The following GOLM1 variants were observed in gnomAD, a reference collection of about 807,000 sequenced individuals.
The protein encoded by GOLM1 is epididymis luminal protein 46.
GOLM1 carries 31 observed loss-of-function variants against 50.5 expected under a neutral mutation model. The observed-to-expected ratio is 0.61, with a 90% confidence interval of 0.46 to 0.83. The LOEUF (loss-of-function observed/expected upper bound fraction) is 0.83, where lower values mean the gene tolerates loss of function less well. Among genes scored for constraint, GOLM1 ranks in the 40% least tolerant of loss-of-function variants. The pLI, the probability that GOLM1 is intolerant of heterozygous loss-of-function variation, is 0.00. For missense variants in GOLM1, 491 were observed against 501.3 expected (o/e 0.98, Z 0.20); for synonymous variants, 178 against 192.8 (o/e 0.92, Z 0.64).
At chr9:86,095,378 G>A (rs1242196991) in intron 1 of GOLM1, among the ~76,000 whole-genome samples, 3 of 150,952 alleles carry the variant, frequency 2.0e-5, no homozygotes, top group Non-Finnish European at 4.4e-5. Context: ...ACAGGCACAT[G>A]CCACCACGCC....
chr9:86,093,363 G>A (rs1443902998), intron 1 of GOLM1, among the ~76,000 whole-genome samples: 1 of 138,348 alleles, frequency 7.2e-6, no homozygotes, highest in African/African-American at 3.0e-5. Flanking sequence ...GTGACAGAGC[G>A]AGATTCTGCC....
intron 3 of GOLM1, among the ~76,000 whole-genome samples, chr9:86,053,528 TCCACACCAAA>T (rs1564347287): frequency 0.015 from 8 of 534 alleles, no homozygotes; most frequent in East Asian, 0.12. Flanking sequence ...AACACACCAC[TCCACACCAAA>T]CCACACCAAA....
At chr9:86,074,941 T>C (rs999155938) in intron 3 of GOLM1, among the ~76,000 whole-genome samples, 1 of 151,840 alleles carries the variant, frequency 6.6e-6, no homozygotes, top group Non-Finnish European at 1.5e-5. Flanking sequence ...ACGGTCTGAG[T>C]GTGGGTGTCC....
At chr9:86,077,969 A>C (rs1399111169) in intron 2 of GOLM1, 1 of 185,886 alleles carries the variant, frequency 5.4e-6, no homozygotes, top group African/African-American at 2.3e-5. Context: ...ACAATTTCTG[A>C]AAACAGATTC....
intron 3 of GOLM1, among the ~76,000 whole-genome samples, chr9:86,077,023 T>C (rs2118846080): frequency 6.6e-6 from 1 of 152,194 alleles, no homozygotes; most frequent in South Asian, 2.1e-4. Flanking sequence ...TCTCCTCCAT[T>C]AGATACTTGG....
intron 5 of GOLM1, among the ~76,000 whole-genome samples, chr9:86,041,569 C>T (rs1833352880): frequency 6.6e-6 from 1 of 152,224 alleles, no homozygotes; most frequent in Non-Finnish European, 1.5e-5. Context: ...CCCCCCGGCG[C>T]CTGCCCTCAC....
Position 86,027,356 on chromosome 9 carries a change from G to A in GOLM1, c.*461C>T. 1.0e-6 allele frequency: 1 copy of A among 988,730 alleles called. No individual in the cohort carries two copies. The highest frequency in any genetic ancestry group is 1.2e-6 in the Non-Finnish European group (1 of 832,278). The allele number at this position is 988,730 out of a possible 1,614,324, so 61.2% of individuals were successfully genotyped here. ...AGTGACTACACAAGAGCATTAGCCAGACTTTTCAGTGAGAACAGGTAACAG... is the reference window on the plus strand; with the variant it reads ...AGTGACTACACAAGAGCATTAGCCAAACTTTTCAGTGAGAACAGGTAACAG... On this transcript the variant is annotated 3_prime_UTR_variant, in exon 10 of 10. Transcript: ENST00000388712.
intron 4 of GOLM1, among the ~76,000 whole-genome samples, chr9:86,047,102 C>T (rs1587706316): frequency 7.1e-6 from 1 of 141,582 alleles, no homozygotes; most frequent in Non-Finnish European, 1.5e-5. Flanking sequence ...CTCTCCAAGG[C>T]CCTGTGCCCA....
In GOLM1 at chr9:86,035,833, G is replaced by A. The variant is rs144633461; in HGVS notation, c.758-208C>T. Among the ~76,000 whole-genome samples, 1,331 of 135,270 alleles carry A rather than the reference G, an allele frequency of 9.8e-3. 23 individuals are homozygous for A. Among genetic ancestry groups the A allele is most frequent in the African/African-American group, 0.036 (1,202 of 33,596 alleles). 88.7% of individuals were successfully genotyped at this position (135,270 alleles called of 152,430 possible). On this transcript the variant is annotated intron_variant, in intron 7 of 9. Transcript: ENST00000388712. ...GGCCTTTCTGTGCCTGCAGCTCATC[G>A]TCAGAACCGCGACAAAGGGAAAAGT... is the stretch of plus-strand genomic sequence containing the variant.
chr9:86,088,530 G>T (rs1835063397), intron 1 of GOLM1, among the ~76,000 whole-genome samples: 1 of 137,580 alleles, frequency 7.3e-6, no homozygotes, highest in Admixed American at 7.3e-5. Flanking sequence ...ATCTTTGTTG[G>T]TTTAAAGTCT....
At chr9:86,037,438 C>CAA (rs112398885) in intron 6 of GOLM1, among the ~76,000 whole-genome samples, 935 of 58,874 alleles carry the variant, frequency 0.016, 9 homozygotes, top group African/African-American at 0.036. Flanking sequence ...GACTGTCTCT[C>CAA]AAAAAAAAAA....
Position 86,079,250 on chromosome 9 carries a change from C to G in GOLM1, c.71G>C (p.Cys24Ser). 6.2e-7 allele frequency: 1 copy of G among 1,610,678 alleles called. No homozygotes were observed. Residue 24 changes from cysteine to serine, a missense_variant, in exon 2 of 10, where the codon TGC (cysteine) becomes TCC (serine). Transcript: ENST00000388712. ...GTAGTTGAAGCCCAAGACGATGATG[C>G]AGGCCACCAGGGCGGCCAGCACGAG... ...PPLVLAALVA[C>S]IIVLGFNYWI...
intron 1 of GOLM1, among the ~76,000 whole-genome samples, chr9:86,091,564 A>G (rs955926281): frequency 1.3e-5 from 2 of 152,152 alleles, no homozygotes; most frequent in African/African-American, 2.4e-5. Flanking sequence ...ATTTTCTAAC[A>G]ATATACTTTT....
rs1276980708 is a variant in GOLM1 at position 86,035,866 on chromosome 9, C to CAAAAAAAAAAAAA, written c.758-242_758-241insTTTTTTTTTTTTT. Among the ~76,000 whole-genome samples the CAAAAAAAAAAAAA allele has an allele frequency of 2.3e-3, 109 of 46,656 alleles. 1 individual carries two copies. The highest frequency in any genetic ancestry group is 3.1e-3 in the East Asian group (5 of 1,638). The allele number at this position is 46,656 out of a possible 152,430, so 30.6% of individuals were successfully genotyped here. ...CGCGACAAAGGGAAAAGTAGCTTAC[C>CAAAAAAAAAAAAA]AAAAAAAAAAACAAAACAAAAAAAA... is the stretch of plus-strand genomic sequence containing the variant. On this transcript the variant is annotated intron_variant, in intron 7 of 9. Coordinates refer to ENST00000388712, the MANE Select transcript of GOLM1 (RefSeq NM_016548.4).
At chr9:86,054,422 C>T (rs1430202203) in intron 3 of GOLM1, among the ~76,000 whole-genome samples, 3 of 152,144 alleles carry the variant, frequency 2.0e-5, no homozygotes, top group Admixed American at 1.3e-4. Context: ...TGGGGTTTCA[C>T]CATGTTGGCC....
chr9:86,033,010 C>A (rs778171039), intron 9 of GOLM1, among the ~76,000 whole-genome samples: 7 of 152,212 alleles, frequency 4.6e-5, no homozygotes, highest in Non-Finnish European at 7.3e-5. Context: ...CTAAATGTCA[C>A]TGAAAAATCA....
At chr9:86,083,189 TTA>T (rs1316884021) in intron 1 of GOLM1, among the ~76,000 whole-genome samples, 2 of 152,332 alleles carry the variant, frequency 1.3e-5, no homozygotes, top group Admixed American at 6.5e-5. Context: ...TTCAAGTCTC[TTA>T]TATAAAATGG....
chr9:86,097,802 T>C (rs1835398379), intron 1 of GOLM1, among the ~76,000 whole-genome samples: 1 of 152,178 alleles, frequency 6.6e-6, no homozygotes, highest in Non-Finnish European at 1.5e-5. Flanking sequence ...CTGGGGAAGG[T>C]GGCCATATAT....
At chr9:86,096,545 T>C (rs1362997135) in intron 1 of GOLM1, among the ~76,000 whole-genome samples, 1 of 152,154 alleles carries the variant, frequency 6.6e-6, no homozygotes, top group Admixed American at 6.6e-5. Context: ...GTCTGTTTAT[T>C]CCACTAATAA....
Sources: allele counts gnomAD v4.1 joint callset (sites outside exome capture counted in the v4.1 genomes callset), GRCh38; gene constraint gnomAD v4.1.1; transcripts MANE v1.5; gene names NCBI Gene and HGNC (gene_info 2026-07-23, HGNC 2026-07-21).